AMPD1: variants seen among roughly 807,000 people sequenced by gnomAD.
The protein encoded by AMPD1 is adenosine monophosphate deaminase 1, also known as AMP deaminase 1.
AMPD1 carries 74 observed loss-of-function variants against 82.9 expected under a neutral mutation model. The observed-to-expected ratio is 0.89, with a 90% CI of 0.74 to 1.08. The LOEUF is 1.08. Ranked by LOEUF, AMPD1 falls within the 50% of genes least tolerant of loss-of-function variation. The probability of loss-of-function intolerance (pLI) is 0.00; values close to 1 mark genes in which losing one functional copy is unlikely to be tolerated. For missense variants in AMPD1, 881 were observed against 924.5 expected (o/e 0.95, Z 0.61); for synonymous variants, 333 against 320.5 (o/e 1.04, Z -0.42).
intron 5 of AMPD1, among the ~76,000 whole-genome samples, chr1:114,682,042 G>A (rs1202710631): frequency 1.3e-5 from 2 of 152,128 alleles, no homozygotes; most frequent in Admixed American, 1.3e-4. Context: ...CACTGCTAGC[G>A]ATTTCAGCCT....
Position 114,674,868 on chromosome 1 carries a change from G to A in AMPD1, c.1684C>T (p.Arg562Ter), listed in dbSNP as rs749286592. ...IMVLNSLRKE[R>*]GMNTFLFRPH... ...CGGAACAGAAACGTATTCATGCCTC[G>A]TTCCCTGGGGAAATAGAACTGCTAT... The change falls in exon 13 of 16, where the codon CGA becomes TGA. Residue 562 changes from arginine (R) to a stop codon, truncating the protein, a stop_gained. Coordinates refer to ENST00000520113, the MANE Select transcript of AMPD1 (RefSeq NM_000036.3). LOFTEE classifies it high-confidence loss of function. 2.1e-5 allele frequency: 34 copies of A among 1,613,968 alleles called. No homozygotes were observed. The East Asian group carries it at 4.0e-4, about 19-fold the overall frequency.
chr1:114,679,928 G>T (rs1232334325), intron 6 of AMPD1, among the ~76,000 whole-genome samples: 3 of 152,302 alleles, frequency 2.0e-5, no homozygotes, highest in African/African-American at 7.2e-5. Flanking sequence ...ACTTGGAAAG[G>T]TATCTTAAAA....
At chr1:114,684,796 G>A (rs1449377802) in intron 4 of AMPD1, among the ~76,000 whole-genome samples, 4 of 152,134 alleles carry the variant, frequency 2.6e-5, no homozygotes, top group Non-Finnish European at 1.5e-5. Context: ...AAACCACTCG[G>A]TCAGTGAGGG....
intron 1 of AMPD1, 88 bp from the exon 2 acceptor site, chr1:114,693,535 C>CA: frequency 8.5e-7 from 1 of 1,170,790 alleles, no homozygotes; most frequent in Admixed American, 1.7e-5. Context: ...GGGGTAGACA[C>CA]ATGTAGATTG....
At chr1:114,683,185 G>T in intron 5 of AMPD1, 1 of 451,782 alleles carries the variant, frequency 2.2e-6, no homozygotes, top group African/African-American at 2.0e-5. Context: ...GTCAGAACAT[G>T]TAGTTTACAT....
At chr1:114,683,150 A>G (rs1389352421) in intron 5 of AMPD1, 4 of 464,784 alleles carry the variant, frequency 8.6e-6, no homozygotes, top group African/African-American at 2.0e-5. Flanking sequence ...AAAAACTGAG[A>G]TAAGTAAATA....
intron 9 of AMPD1, 115 bp downstream of exon 9, chr1:114,677,795 C>CCTTCCTTCCT (rs1557969487): frequency 2.3e-6 from 1 of 431,274 alleles, no homozygotes; most frequent in Non-Finnish European, 4.2e-6. Context: ...CTTTCCCTCT[C>CCTTCCTTCCT]TCCCTCCTTC....
intron 5 of AMPD1, among the ~76,000 whole-genome samples, chr1:114,682,642 G>A (rs533427591): frequency 2.4e-4 from 36 of 150,840 alleles, no homozygotes; most frequent in Non-Finnish European, 4.1e-4. Context: ...GCAGTGGCGC[G>A]ATCTCAGCTC....
Position 114,675,618 on chromosome 1 carries a change from G to A in AMPD1, c.1591C>T (p.Gln531Ter). Reference protein sequence around the residue: ...HMFSSKSPKPQEWTLEKNPSY... With the variant: ...HMFSSKSPKP ...GGATTCTTTTCCAATGTCCACTCCT[G>A]GGGCTTGGGACTCTTGGAGGAGAAC... The change falls in exon 12 of 16, where the codon CAG (glutamine) becomes TAG (stop). Residue 531 changes from glutamine (Q) to a stop codon, truncating the protein, a stop_gained. Coordinates refer to ENST00000520113, the MANE Select transcript of AMPD1 (RefSeq NM_000036.3). LOFTEE classifies it high-confidence loss of function. 2 of 1,614,160 alleles carry A rather than the reference G, an allele frequency of 1.2e-6. No homozygotes were observed. Among genetic ancestry groups the A allele is most frequent in the Non-Finnish European group, 1.7e-6 (2 of 1,180,002 alleles).
rs10601370 is a variant in AMPD1 at position 114,693,117 on chromosome 1, AAAATAAATAAATAAAT to A, written c.34+303_34+318del. Among the ~76,000 whole-genome samples the A allele has an allele frequency of 3.3e-3, 456 of 138,212 alleles. 3 individuals are homozygous for A. The highest frequency in any genetic ancestry group is 7.8e-3 in the African/African-American group (289 of 36,916). 90.7% of individuals were successfully genotyped at this position (138,212 alleles called of 152,430 possible). On this transcript the variant is annotated intron_variant, in intron 2 of 15. Coordinates refer to ENST00000520113, the MANE Select transcript of AMPD1 (RefSeq NM_000036.3). ...TCCATCCTGGGTGACCATCCATCTC[AAAATAAATAAATAAAT>A]AAATAAATAAATAAATAAATAAATA...
At chr1:114,690,249 C>T (rs954602149) in intron 2 of AMPD1, among the ~76,000 whole-genome samples, 2 of 152,184 alleles carry the variant, frequency 1.3e-5, no homozygotes, top group African/African-American at 4.8e-5. Context: ...CCTACCCAAC[C>T]TCGCTGGCAA....
At position 114,684,359 on chromosome 1, in the gene AMPD1, T is replaced by C. The variant is rs1286806875; in HGVS notation, c.387A>G (p.Thr129=). Residue 129 remains threonine (T), a synonymous_variant, in exon 5 of 16, where the codon ACA becomes ACG. Transcript: ENST00000520113. ...QITGDYASGV[T]VEDFEIVCKG... ...TGCAAACAATTTCAAAATCTTCAAC[T>C]GTAACCTGCCAAAAAAAAAAAAGTC... 1 of 1,613,040 alleles carries C rather than the reference T, an allele frequency of 6.2e-7. No individual in the cohort carries two copies. Among genetic ancestry groups the C allele is most frequent in the Non-Finnish European group, 8.5e-7 (1 of 1,179,804 alleles).
chr1:114,686,585 A>C (rs906477837), intron 4 of AMPD1, among the ~76,000 whole-genome samples, 160 bp downstream of exon 4: 1 of 152,218 alleles, frequency 6.6e-6, no homozygotes, highest in African/African-American at 2.4e-5. Context: ...GAAACATAAG[A>C]CATACCACCA....
At position 114,694,011 on chromosome 1, in the gene AMPD1, C is replaced by A. The variant is rs540651764; in HGVS notation, c.23-564G>T. Among the ~76,000 whole-genome samples the A allele has an allele frequency of 1.4e-4, 21 of 152,154 alleles. No individual in the cohort carries two copies. The South Asian group carries it at 4.4e-3, about 32-fold the overall frequency. ...GGTCAGGAGATCGAGACCATCCTGG[C>A]TAATACAGATATTCACTGTGTTATA... On this transcript the variant is annotated intron_variant, in intron 1 of 15. Transcript: ENST00000520113.
Position 114,684,179 on chromosome 1 carries a change from T to C in AMPD1, c.547+20A>G, listed in dbSNP as rs779851367. 1 of 1,611,986 alleles carries C rather than the reference T, an allele frequency of 6.2e-7. No homozygotes were observed. Among genetic ancestry groups the C allele is most frequent in the East Asian group, 2.2e-5 (1 of 44,874 alleles). The stretch of plus-strand genomic sequence containing the variant: ...GTTTAAATAAAATATGTTTCATACA[T>C]TATGTAAGAGAATTGTTACCTGGAT... On this transcript the variant is annotated intron_variant, in intron 5 of 15. Transcript: ENST00000520113.
In AMPD1 at chr1:114,677,341, A is replaced by G. The variant is rs760486294; in HGVS notation, c.1388+10T>C. 5.6e-6 allele frequency: 9 copies of G among 1,609,906 alleles called. No individual in the cohort carries two copies. The highest frequency in any genetic ancestry group is 6.8e-6 in the Non-Finnish European group (8 of 1,179,134). On this transcript the variant is annotated intron_variant, in intron 10 of 15. Transcript: ENST00000520113. ...GCAGGCTCTAGAGTTTCTGATGGGCAGGTACATACTAGATCCTGGGAACCT... is the reference window on the plus strand; with the variant it reads ...GCAGGCTCTAGAGTTTCTGATGGGCGGGTACATACTAGATCCTGGGAACCT...
At position 114,677,508 on chromosome 1, in the gene AMPD1, C is replaced by T; in HGVS notation, c.1231G>A (p.Gly411Ser). 1 of 1,613,670 alleles carries T rather than the reference C, an allele frequency of 6.2e-7. No homozygotes were observed. The highest frequency in any genetic ancestry group is 8.5e-7 in the Non-Finnish European group (1 of 1,179,938). ...EYFATIIKEV[G>S]ADLVEAKYQH... The stretch of plus-strand genomic sequence containing the variant: ...TACTTGGCCTCCACCAGGTCCGCAC[C>T]TACCTCCTGCAAAGCCAAGAGAGAA... The change falls in exon 10 of 16, where the codon GGT becomes AGT. Residue 411 changes from glycine (G) to serine (S), a missense_variant. Gly to Ser is a moderately conservative substitution (Grantham distance 56). This residue lies in a region of AMPD1 where 783 missense variants were observed against 786.4 expected (regional missense o/e 1.00). Coordinates refer to ENST00000520113, the MANE Select transcript of AMPD1 (RefSeq NM_000036.3).
chr1:114,678,331 A>G lies in AMPD1; in HGVS notation c.1092+2T>C. ...GAAACTGACATTGCCGTTTCAACCTACAGCATGAACATCCAGAGAATCAAC... is the reference window on the plus strand; with the variant it reads ...GAAACTGACATTGCCGTTTCAACCTGCAGCATGAACATCCAGAGAATCAAC... On this transcript the variant is annotated splice_donor_variant, in intron 8 of 15. Coordinates refer to ENST00000520113, the MANE Select transcript of AMPD1 (RefSeq NM_000036.3). LOFTEE classifies it high-confidence loss of function. The G allele has an allele frequency of 6.2e-7, 1 of 1,614,120 alleles. No homozygotes were observed. Among genetic ancestry groups the G allele is most frequent in the Non-Finnish European group, 8.5e-7 (1 of 1,179,956 alleles).
intron 5 of AMPD1, among the ~76,000 whole-genome samples, chr1:114,681,343 C>G (rs944216611): frequency 1.3e-5 from 2 of 151,938 alleles, no homozygotes; most frequent in Non-Finnish European, 2.9e-5. Context: ...GCCTGTAATC[C>G]CAGCATTTTG....
Sources: allele counts gnomAD v4.1 joint callset (sites outside exome capture counted in the v4.1 genomes callset), GRCh38; gene constraint gnomAD v4.1.1; regional missense constraint gnomAD v4.1.1; transcripts MANE v1.5; gene names NCBI Gene and HGNC (gene_info 2026-07-23, HGNC 2026-07-21).